Variants in FMO5 observed in about 807,000 individuals in gnomAD.
FMO5 encodes the protein flavin-containing monooxygenase 5.
Under a neutral mutation model 43.6 loss-of-function variants are expected in FMO5, and 51 were observed. That is an observed-to-expected ratio of 1.17 (90% CI 0.93 to 1.48). The LOEUF is 1.48. Among genes scored for constraint, FMO5 ranks in the 40% most tolerant of loss-of-function variants. FMO5 has a pLI of 0.00. For missense variants in FMO5, 644 were observed against 643.0 expected, an observed-to-expected ratio of 1.00 and a Z score of -0.02; for synonymous variants, 187 against 216.5, an observed-to-expected ratio of 0.86 and a Z score of 1.20.
chr1:147,227,003 A>AT (rs1664026497), upstream of FMO5, among the ~76,000 whole-genome samples: 3 of 151,864 alleles, frequency 2.0e-5, no homozygotes, highest in Middle Eastern at 0.01. Context: ...TAATTTTTGT[A>AT]TTTTTTGTAG....
At position 147,190,123 on chromosome 1, in the gene FMO5, T is replaced by G. The variant is rs1656421427; in HGVS notation, c.1256+54A>C. 2.5e-6 allele frequency: 3 copies of G among 1,193,990 alleles called. No individual in the cohort carries two copies. The South Asian group carries it at 3.9e-5, about 15-fold the overall frequency. The allele number at this position is 1,193,990 out of a possible 1,614,324, so 74.0% of individuals were successfully genotyped here. A position where few individuals can be genotyped will look rare whatever the true frequency, so the allele number is the denominator to read the frequency against. ...GTTAAATACAGTACAATATTTCTTT[T>G]ATTAAGAAATAAGTAGAAATGTAAC... On this transcript the variant is annotated intron_variant, in intron 8 of 8. Transcript: ENST00000254090.
intron 7 of FMO5, among the ~76,000 whole-genome samples, chr1:147,190,768 G>A (rs992313547): frequency 7.9e-5 from 12 of 151,838 alleles, no homozygotes; most frequent in Admixed American, 4.6e-4. Context: ...GTGCCATGCT[G>A]GTGTGCAGCA....
In FMO5 at chr1:147,201,275, T is replaced by C. The variant is rs782764302; in HGVS notation, c.1060A>G (p.Lys354Glu). The change falls in exon 7 of 9, where the codon AAA becomes GAA. Residue 354 changes from lysine (K) to glutamate (E), a missense_variant. Lys to Glu is a moderately conservative substitution (Grantham distance 56). Transcript: ENST00000254090. Reference protein sequence around the residue: ...KVVKNKISLYKKVFPPNLERP... With the variant: ...KVVKNKISLYEKVFPPNLERP... Reference sequence around the variant, plus strand: ...TCCAGGTTAGGAGGGAAGACCTTTTTATACAGGGATATCTTGTTTTTGACC... The same window carrying C: ...TCCAGGTTAGGAGGGAAGACCTTTTCATACAGGGATATCTTGTTTTTGACC... 11 of 1,614,200 alleles carry C rather than the reference T, an allele frequency of 6.8e-6. No homozygotes were observed. The highest frequency in any genetic ancestry group is 9.3e-6 in the Non-Finnish European group (11 of 1,180,028).
In FMO5 at chr1:147,212,383, T is replaced by C. The variant is rs1661221611; in HGVS notation, c.630+10A>G. The C allele has an allele frequency of 6.2e-7, 1 of 1,613,472 alleles. No individual in the cohort carries two copies. Among genetic ancestry groups the C allele is most frequent in the African/African-American group, 1.3e-5 (1 of 75,026 alleles). On this transcript the variant is annotated intron_variant, in intron 5 of 8. Coordinates refer to ENST00000254090, the MANE Select transcript of FMO5 (RefSeq NM_001461.4). Reference sequence around the variant, plus strand: ...TTAAGCAACGTAAATAATAATTGAGTGATTCAAACCTGCTTGGCTGTTTGG... The same window carrying C: ...TTAAGCAACGTAAATAATAATTGAGCGATTCAAACCTGCTTGGCTGTTTGG...
intron 6 of FMO5, among the ~76,000 whole-genome samples, chr1:147,205,159 C>CAG (rs1659766209): frequency 6.6e-6 from 1 of 152,154 alleles, no homozygotes; most frequent in East Asian, 1.9e-4. Flanking sequence ...ATTTGTTTGG[C>CAG]TATCTCCTAT....
chr1:147,184,663 A>G, downstream of FMO5: 1 of 1,480,280 alleles, frequency 6.8e-7, no homozygotes, highest in Non-Finnish European at 9.0e-7. The surrounding 1 kb of genome is among the most constrained non-coding windows in gnomAD (Gnocchi z 4.4). Context: ...AATACAACAG[A>G]GAGGTAAAGT....
At chr1:147,184,761 G>C (rs78402924), downstream of FMO5, 1,738 of 1,149,934 alleles carry the variant, frequency 1.5e-3, 22 homozygotes, top group African/African-American at 0.025. This position sits in a 1 kb window ranked among gnomAD's most constrained non-coding sequence, Gnocchi z 4.4. Flanking sequence ...AGCCGAGATA[G>C]TGTTTATCAG....
rs587676128 is a variant in FMO5, at chr1:147,217,545, C to T, written c.136-1603G>A. Among the ~76,000 whole-genome samples, 294 of 152,278 alleles carry T rather than the reference C, an allele frequency of 1.9e-3. 1 individual carries two copies. The highest frequency in any genetic ancestry group is 3.5e-3 in the Non-Finnish European group (238 of 68,024). On this transcript the variant is annotated intron_variant, in intron 2 of 8. Transcript: ENST00000254090. The stretch of plus-strand genomic sequence containing the variant: ...TTTGTTGTTTGTTGGCTTTGTCCAC[C>T]TTTAGGATTGTTTTTCTCCCATTTT...
At chr1:147,197,718 C>T (rs1268823559) in intron 7 of FMO5, among the ~76,000 whole-genome samples, 3 of 152,136 alleles carry the variant, frequency 2.0e-5, no homozygotes, top group African/African-American at 7.2e-5. Flanking sequence ...TGAATTAAAC[C>T]TCTTTCCTTT....
In FMO5 at chr1:147,192,464, C is replaced by T. The variant is rs192161227; in HGVS notation, c.1184-2215G>A. 8.3e-3 allele frequency among the ~76,000 whole-genome samples: 1,264 copies of T among 152,220 alleles called. 26 individuals carry two copies. Among genetic ancestry groups the T allele is most frequent in the African/African-American group, 0.03 (1,224 of 41,488 alleles). On this transcript the variant is annotated intron_variant, in intron 7 of 8. Transcript: ENST00000254090. Reference sequence around the variant, plus strand: ...CAATCATGTCGTCTGCAAACAGGGACAATTTGACTTCCTCTTTTCCTAATC... The same window carrying T: ...CAATCATGTCGTCTGCAAACAGGGATAATTTGACTTCCTCTTTTCCTAATC...
chr1:147,190,984 T>G (rs959743571), intron 7 of FMO5, among the ~76,000 whole-genome samples: 80 of 152,126 alleles, frequency 5.3e-4, no homozygotes, highest in African/African-American at 1.9e-3. Flanking sequence ...GTTTCCAGTT[T>G]AATCCATGTC....
chr1:147,217,866 T>C lies in FMO5; in HGVS notation c.136-1924A>G, dbSNP rs139204847. Among the ~76,000 whole-genome samples, 779 of 152,294 alleles carry C rather than the reference T, an allele frequency of 5.1e-3. 6 individuals are homozygous for C. The highest frequency in any genetic ancestry group is 0.017 in the African/African-American group (691 of 41,574). Reference sequence around the variant, plus strand: ...ATAATGTTTTGTAGTGTATTCCTTATCTCTCCAACTAGATTGTAAGCCCCT... The same window carrying C: ...ATAATGTTTTGTAGTGTATTCCTTACCTCTCCAACTAGATTGTAAGCCCCT... On this transcript the variant is annotated intron_variant, in intron 2 of 8. Coordinates refer to ENST00000254090, the MANE Select transcript of FMO5 (RefSeq NM_001461.4).
intron 4 of FMO5, among the ~76,000 whole-genome samples, chr1:147,213,099 A>C (rs1402853848): frequency 6.6e-6 from 1 of 152,174 alleles, no homozygotes; most frequent in African/African-American, 2.4e-5. Context: ...TTGTAAAACT[A>C]AATAGACTGC....
chr1:147,186,949 T>G lies in FMO5; in HGVS notation c.1553A>C (p.Lys518Thr). 1 of 1,614,178 alleles carries G rather than the reference T, an allele frequency of 6.2e-7. No homozygotes were observed. Among genetic ancestry groups the G allele is most frequent in the Non-Finnish European group, 8.5e-7 (1 of 1,180,014 alleles). ...AAAGAAGGCAAGAGCTAGCATAAAC[T>G]TGCCTATTGTCATTGTTGAAGTCAT... ...SSMTSTMTIG[K>T]FMLALAFFAI... Residue 518 changes from lysine (K) to threonine (T), a missense_variant, in exon 9 of 9, where the codon AAG becomes ACG. Coordinates refer to ENST00000254090, the MANE Select transcript of FMO5 (RefSeq NM_001461.4).
chr1:147,213,529 GT>G (rs1661431170), intron 3 of FMO5, 59 bp from the exon 4 acceptor site: 2 of 1,428,834 alleles, frequency 1.4e-6, no homozygotes, highest in South Asian at 1.5e-5. Context: ...CTTGCATAGT[GT>G]TACACAAAGG....
intron 7 of FMO5, among the ~76,000 whole-genome samples, chr1:147,192,795 T>G (rs1657133239): frequency 6.6e-6 from 1 of 152,290 alleles, no homozygotes; most frequent in South Asian, 2.1e-4. Flanking sequence ...ATTGGTTCTG[T>G]TTATATGCTG....
At chr1:147,207,740 G>A (rs28381199) in intron 6 of FMO5, among the ~76,000 whole-genome samples, 1,786 of 152,272 alleles carry the variant, frequency 0.012, 14 homozygotes, top group African/African-American at 0.021. Flanking sequence ...ATACCTCTGA[G>A]ATTTCCAGTT....
intron 7 of FMO5, among the ~76,000 whole-genome samples, chr1:147,197,046 T>G (rs1400624182): frequency 6.6e-6 from 1 of 152,212 alleles, no homozygotes. Flanking sequence ...GTTAAAATCC[T>G]TCAGTGGTTC....
intron 3 of FMO5, among the ~76,000 whole-genome samples, chr1:147,213,745 G>C (rs1248575523): frequency 6.6e-6 from 1 of 152,154 alleles, no homozygotes; most frequent in Non-Finnish European, 1.5e-5. Context: ...CAGGTCCTAA[G>C]GCACTGTAAC....
Sources: gnomAD v4.1 joint callset for allele counts (sites outside exome capture counted in the v4.1 genomes callset) on GRCh38, gnomAD v4.1.1 for gene constraint, Gnocchi (gnomAD v3.1) non-coding constraint, MANE v1.5 for transcripts, NCBI Gene and HGNC (gene_info 2026-07-23, HGNC 2026-07-21) for gene names.